PCDHGA3: variants seen among roughly 807,000 people sequenced by gnomAD.
The protein encoded by PCDHGA3 is protocadherin gamma-A3.
Under a neutral mutation model 58.5 loss-of-function variants are expected in PCDHGA3, and 40 were observed. The observed-to-expected ratio is 0.68, with a 90% CI of 0.53 to 0.89. PCDHGA3 has a LOEUF of 0.89. PCDHGA3 is among the 40% of genes least tolerant of loss of function. PCDHGA3 has a pLI of 0.00. For missense variants in PCDHGA3, 1,223 were observed against 1,195.9 expected, an observed-to-expected ratio of 1.02 and a Z score of -0.33; for synonymous variants, 530 against 525.7, an observed-to-expected ratio of 1.01 and a Z score of -0.11.
At position 141,476,251 on chromosome 5, in the gene PCDHGA3, C is replaced by T; in HGVS notation, c.2425-18556C>T. On this transcript the variant is annotated intron_variant, in intron 1 of 3. Coordinates refer to ENST00000253812, the MANE Select transcript of PCDHGA3 (RefSeq NM_018916.4). This position sits in a 1 kb window ranked among gnomAD's most constrained non-coding sequence, Gnocchi z 7.6. The stretch of plus-strand genomic sequence containing the variant: ...TCCCGGAGGAAAGAGAGAAGGGTTT[C>T]GCTGTGGGCAACGTGGTCGCGAACC... 1 of 1,613,866 alleles carries T rather than the reference C, an allele frequency of 6.2e-7. No homozygotes were observed. The highest frequency in any genetic ancestry group is 8.5e-7 in the Non-Finnish European group (1 of 1,179,978).
chr5:141,396,525 C>T (rs2093390810), intron 1 of PCDHGA3: 1 of 151,326 alleles, frequency 6.6e-6, no homozygotes, highest in Non-Finnish European at 1.5e-5. Context: ...GAGGCTGAGG[C>T]AGAAGAATCA....
At chr5:141,430,351 A>G (rs923321842) in intron 1 of PCDHGA3, among the ~76,000 whole-genome samples, 5 of 152,046 alleles carry the variant, frequency 3.3e-5, no homozygotes, top group African/African-American at 1.2e-4. Flanking sequence ...CAATTCATTT[A>G]AAAGCTCATT....
rs758715682 is a variant in PCDHGA3, at chr5:141,490,062, C to T, written c.2425-4745C>T. The T allele has an allele frequency of 2.6e-5, 42 of 1,614,100 alleles. No individual in the cohort carries two copies. The highest frequency in any genetic ancestry group is 3.3e-5 in the South Asian group (3 of 91,086). On this transcript the variant is annotated intron_variant, in intron 1 of 3. Coordinates refer to ENST00000253812, the MANE Select transcript of PCDHGA3 (RefSeq NM_018916.4). The surrounding 1 kb of genome is among the most constrained non-coding windows in gnomAD (Gnocchi z 5.4). The stretch of plus-strand genomic sequence containing the variant: ...CCACTGATCCAGACGAGGGCACCAA[C>T]GGCCAACTAGACTATTCTTTTGGAG...
At position 141,421,233 on chromosome 5, in the gene PCDHGA3, G is replaced by A. The variant is rs201076931; in HGVS notation, c.2425-73574G>A. Reference sequence around the variant, plus strand: ...ATATCGGCTTAGAGCCTGCCATGGCGAATCGGCTACAGCGCGGGGACCGCA... The same window carrying A: ...ATATCGGCTTAGAGCCTGCCATGGCAAATCGGCTACAGCGCGGGGACCGCA... On this transcript the variant is annotated intron_variant, in intron 1 of 3. Coordinates refer to ENST00000253812, the MANE Select transcript of PCDHGA3 (RefSeq NM_018916.4). 1.4e-3 allele frequency: 2,185 copies of A among 1,592,236 alleles called. 58 individuals are homozygous for A. In the South Asian group the frequency reaches 0.024, roughly 17 times the overall value.
rs374663576 is a variant in PCDHGA3, at chr5:141,489,905, G to T, written c.2425-4902G>T. On this transcript the variant is annotated intron_variant, in intron 1 of 3. Coordinates refer to ENST00000253812, the MANE Select transcript of PCDHGA3 (RefSeq NM_018916.4). The surrounding 1 kb of genome is among the most constrained non-coding windows in gnomAD (Gnocchi z 4.5). ...GCTGTGGATGGGGGGACCCCAGCCC[G>T]CTCAGGGACCACCCTTATCTCTGTC... The T allele has an allele frequency of 9.7e-5, 156 of 1,614,226 alleles. 3 individuals are homozygous for T. The South Asian group carries it at 1.6e-3, about 16-fold the overall frequency.
At chr5:141,407,314 T>G (rs2094914230) in intron 1 of PCDHGA3, among the ~76,000 whole-genome samples, 1 of 152,212 alleles carries the variant, frequency 6.6e-6, no homozygotes, top group Non-Finnish European at 1.5e-5. Flanking sequence ...CCTTCATACT[T>G]AGTATTTATA....
chr5:141,400,387 C>T, intron 1 of PCDHGA3: 2 of 1,614,068 alleles, frequency 1.2e-6, no homozygotes, highest in Non-Finnish European at 1.7e-6. Context: ...ATGTGTTGCA[C>T]ATACAGGAAA....
intron 2 of PCDHGA3, among the ~76,000 whole-genome samples, chr5:141,500,614 C>T (rs1300242596): frequency 1.3e-5 from 2 of 152,204 alleles, no homozygotes; most frequent in African/African-American, 4.8e-5. Context: ...TATTCCCAGT[C>T]ATACGGTACA....
At position 141,345,982 on chromosome 5, in the gene PCDHGA3, G is replaced by A. The variant is rs1757678602; in HGVS notation, c.1949G>A (p.Gly650Asp). 6.2e-7 allele frequency: 1 copy of A among 1,613,396 alleles called. No individual in the cohort carries two copies. The highest frequency in any genetic ancestry group is 2.2e-5 in the East Asian group (1 of 44,864). Residue 650 changes from glycine to aspartate, a missense_variant, in exon 1 of 4, where the codon GGC (glycine) becomes GAC (aspartate). Gly to Asp is a moderately conservative substitution (Grantham distance 94, BLOSUM62 -1). Around this residue, in one of 3 missense-constraint regions of PCDHGA3, gnomAD observed 107 missense variants for 159.8 expected, o/e 0.67. Coordinates refer to ENST00000253812, the MANE Select transcript of PCDHGA3 (RefSeq NM_018916.4). Reference protein sequence around the residue: ...QSLVVAVQDHGQPPLSATVTL... With the variant: ...QSLVVAVQDHDQPPLSATVTL... ...CTCGTGGTGGCCGTCCAGGACCACG[G>A]CCAGCCCCCTCTCTCCGCCACTGTC... is the stretch of plus-strand genomic sequence containing the variant.
chr5:141,504,496 G>C (rs2099838771), intron 2 of PCDHGA3, among the ~76,000 whole-genome samples: 1 of 152,100 alleles, frequency 6.6e-6, no homozygotes, highest in Non-Finnish European at 1.5e-5. Flanking sequence ...CACCTGCCCA[G>C]TCTGAGTGGA....
chr5:141,478,418 C>T, intron 1 of PCDHGA3: 1 of 1,613,650 alleles, frequency 6.2e-7, no homozygotes, highest in Non-Finnish European at 8.5e-7. Context: ...GGACTCCCGC[C>T]GCAGCGACCC....
chr5:141,351,159 AT>A, intron 1 of PCDHGA3: 1 of 1,614,042 alleles, frequency 6.2e-7, no homozygotes, highest in South Asian at 1.1e-5. Context: ...ATCACAACCA[AT>A]GGCACATTGG....
chr5:141,485,625 G>C lies in PCDHGA3; in HGVS notation c.2425-9182G>C. On this transcript the variant is annotated intron_variant, in intron 1 of 3. Transcript: ENST00000253812. This position sits in a 1 kb window ranked among gnomAD's most constrained non-coding sequence, Gnocchi z 5.7. ...GGGGAGGCAGCTCCTCCAGGACAGC[G>C]TTTCCCGTTGGAAAAGGCTCAGGAT... The C allele has an allele frequency of 6.2e-7, 1 of 1,611,968 alleles. No individual in the cohort carries two copies. Among genetic ancestry groups the C allele is most frequent in the Non-Finnish European group, 8.5e-7 (1 of 1,178,504 alleles).
Position 141,490,526 on chromosome 5 carries a change from C to T in PCDHGA3, c.2425-4281C>T, listed in dbSNP as rs1270447529. 6.2e-7 allele frequency: 1 copy of T among 1,614,116 alleles called. No homozygotes were observed. Among genetic ancestry groups the T allele is most frequent in the Non-Finnish European group, 8.5e-7 (1 of 1,180,008 alleles). ...ATCATCGAGCTGCTGGCCAGCGATGCTGGTTCACCTTCCCTACACAAACAT... is the reference window on the plus strand; with the variant it reads ...ATCATCGAGCTGCTGGCCAGCGATGTTGGTTCACCTTCCCTACACAAACAT... On this transcript the variant is annotated intron_variant, in intron 1 of 3. Coordinates refer to ENST00000253812, the MANE Select transcript of PCDHGA3 (RefSeq NM_018916.4). The surrounding 1 kb of genome is among the most constrained non-coding windows in gnomAD (Gnocchi z 5.4).
Position 141,388,496 on chromosome 5 carries a change from G to C in PCDHGA3, c.2424+42039G>C. The stretch of plus-strand genomic sequence containing the variant: ...TGAAGACACCTTTGGACAGAGAAAA[G>C]CAGAAATCCTACCACTTGACTTTGA... On this transcript the variant is annotated intron_variant, in intron 1 of 3. Coordinates refer to ENST00000253812, the MANE Select transcript of PCDHGA3 (RefSeq NM_018916.4). 1 of 1,613,828 alleles carries C rather than the reference G, an allele frequency of 6.2e-7. No individual in the cohort carries two copies. Among genetic ancestry groups the C allele is most frequent in the Admixed American group, 1.7e-5 (1 of 60,022 alleles).
At chr5:141,387,510 C>A (rs972550298) in intron 1 of PCDHGA3, among the ~76,000 whole-genome samples, 1 of 152,206 alleles carries the variant, frequency 6.6e-6, no homozygotes, top group Non-Finnish European at 1.5e-5. Context: ...TTTTAGACGT[C>A]ATTAAATATA....
rs1257565821 is a variant in PCDHGA3, at chr5:141,487,319, C to G, written c.2425-7488C>G. ...ATTCGTGGCACTACTCTCTAAGTGTCTTCGTGGGGCAGCCTGTGGAGTCAC... is the reference window on the plus strand; with the variant it reads ...ATTCGTGGCACTACTCTCTAAGTGTGTTCGTGGGGCAGCCTGTGGAGTCAC... On this transcript the variant is annotated intron_variant, in intron 1 of 3. Transcript: ENST00000253812. The surrounding 1 kb of genome is among the most constrained non-coding windows in gnomAD (Gnocchi z 5.0). The G allele has an allele frequency of 6.2e-7, 1 of 1,614,052 alleles. No homozygotes were observed. The highest frequency in any genetic ancestry group is 1.3e-5 in the African/African-American group (1 of 74,930).
rs772237828 is a variant in PCDHGA3 at position 141,345,702 on chromosome 5, G to T, written c.1669G>T (p.Asp557Tyr). The T allele has an allele frequency of 6.2e-7, 1 of 1,614,206 alleles. No homozygotes were observed. Among genetic ancestry groups the T allele is most frequent in the Non-Finnish European group, 8.5e-7 (1 of 1,180,042 alleles). Residue 557 changes from aspartate to tyrosine, a missense_variant, in exon 1 of 4, where the codon GAC (aspartate) becomes TAC (tyrosine). Asp to Tyr is a radical substitution (Grantham distance 160). Transcript: ENST00000253812. ...GAACCTGTTCGTGCTGGACCAGAAC[G>T]ACAACGCGCCCGAGATCCTGTACCC... ...SLNLFVLDQN[D>Y]NAPEILYPAL...
At chr5:141,413,805 C>T (rs772637762) in intron 1 of PCDHGA3, 1 of 1,613,166 alleles carries the variant, frequency 6.2e-7, no homozygotes, top group South Asian at 1.1e-5. Flanking sequence ...AGGAAGAGGC[C>T]ATTCACCACC....
Sources: allele counts gnomAD v4.1 joint callset (sites outside exome capture counted in the v4.1 genomes callset), GRCh38; gene constraint gnomAD v4.1.1; regional missense constraint gnomAD v4.1.1; non-coding constraint Gnocchi (gnomAD v3.1); transcripts MANE v1.5; gene names NCBI Gene and HGNC (gene_info 2026-07-23, HGNC 2026-07-21).